The following PPP2R3B variants were observed in gnomAD, a reference collection of about 807,000 sequenced individuals.
PPP2R3B encodes the protein protein phosphatase 2 regulatory subunit B''beta.
PPP2R3B carries 68 observed loss-of-function variants against 72.9 expected under a neutral mutation model. That is an observed-to-expected ratio of 0.93 (90% CI 0.77 to 1.14). The LOEUF is 1.14. Ranked by LOEUF, PPP2R3B falls within the 50% of genes most tolerant of loss-of-function variation. The pLI is 0.00. For synonymous variants in PPP2R3B, 466 were observed against 375.8 expected, an observed-to-expected ratio of 1.24 and a Z score of -2.78; for missense variants, 1,018 against 842.0, an observed-to-expected ratio of 1.21 and a Z score of -2.59.
chrX:367,377 G>A (rs1039931113), intron 1 of PPP2R3B, among the ~76,000 whole-genome samples: 8 of 150,730 alleles, frequency 5.3e-5, no homozygotes, highest in African/African-American at 1.9e-4. Flanking sequence ...TTTGTGAGTT[G>A]GAGGAAAAGA....
At position 344,896 on chromosome X, in the gene PPP2R3B, C is replaced by G. The variant is rs759473392; in HGVS notation, c.1036+620G>C. 5 of 337,220 alleles carry G rather than the reference C, an allele frequency of 1.5e-5. No individual in the cohort carries two copies. The East Asian group carries it at 3.1e-4, about 21-fold the overall frequency. 20.9% of individuals were successfully genotyped at this position (337,220 alleles called of 1,614,324 possible). On this transcript the variant is annotated intron_variant, in intron 7 of 12. Coordinates refer to ENST00000390665, the MANE Select transcript of PPP2R3B (RefSeq NM_013239.5). ...ACACACAACAGATGCCACCGTAATT[C>G]GGAAACAGTCTTGGTCATATGGTTT...
intron 1 of PPP2R3B, among the ~76,000 whole-genome samples, chrX:371,260 G>A (rs28671022): frequency 0.22 from 33,285 of 151,796 alleles, 4,124 homozygotes; most frequent in Non-Finnish European, 0.28. Context: ...ATCGTCACAC[G>A]GGAGCCTCCC....
chrX:346,641 C>CTG, intron 5 of PPP2R3B, 60 bp downstream of exon 5: 1 of 1,499,994 alleles, frequency 6.7e-7, no homozygotes, highest in Non-Finnish European at 9.1e-7. Flanking sequence ...CCCGCGGCGG[C>CTG]CGCTGCAGAA....
At chrX:334,827 G>C (rs1391567930) in intron 12 of PPP2R3B, 1 of 338,396 alleles carries the variant, frequency 3.0e-6, no homozygotes, top group African/African-American at 2.1e-5. Flanking sequence ...CACGGGACCT[G>C]TGTTTACAAC....
At chrX:364,174 C>G (rs1056787734) in intron 1 of PPP2R3B, among the ~76,000 whole-genome samples, 18 of 152,222 alleles carry the variant, frequency 1.2e-4, no homozygotes, top group African/African-American at 4.1e-4. Flanking sequence ...CGGGGAAGCT[C>G]CCAGAACGCG....
chrX:374,395 C>T (rs2071944945), intron 1 of PPP2R3B, among the ~76,000 whole-genome samples: 1 of 152,244 alleles, frequency 6.6e-6, no homozygotes, highest in South Asian at 2.1e-4. Context: ...CCGCCCCTCC[C>T]CAAACTTCAG....
intron 1 of PPP2R3B, among the ~76,000 whole-genome samples, chrX:365,084 A>G (rs1178950445): frequency 5.4e-5 from 4 of 74,312 alleles, no homozygotes; most frequent in Non-Finnish European, 8.4e-5. Context: ...GTGGTGGCGC[A>G]TGCCTGTAAT....
chrX:368,778 C>A (rs1484953111), intron 1 of PPP2R3B, among the ~76,000 whole-genome samples: 3 of 95,440 alleles, frequency 3.1e-5, no homozygotes, highest in African/African-American at 1.4e-4. Flanking sequence ...CCTTGGGCAC[C>A]GACACGGGGA....
At chrX:350,434 A>G (rs1431051563) in intron 2 of PPP2R3B, among the ~76,000 whole-genome samples, 1 of 152,224 alleles carries the variant, frequency 6.6e-6, no homozygotes, top group Non-Finnish European at 1.5e-5. Flanking sequence ...GGTGAACACC[A>G]TGACAGGACA....
chrX:345,760 G>A (rs1270335125), intron 6 of PPP2R3B, 88 bp from the exon 7 acceptor site: 61 of 1,517,364 alleles, frequency 4.0e-5, no homozygotes, highest in Non-Finnish European at 5.4e-5. Context: ...GGGAAGGCTG[G>A]GAGGGTCGGG....
At chrX:368,783 C>G (rs867568324) in intron 1 of PPP2R3B, among the ~76,000 whole-genome samples, 367 of 21,938 alleles carry the variant, frequency 0.017, 1 homozygote, top group Admixed American at 0.025. Flanking sequence ...GGCACCGACA[C>G]GGGGAAGGCC....
rs757768486 is a variant in PPP2R3B, at chrX:334,466, G to T, written c.1629C>A (p.Ser543=). 2.1e-5 allele frequency: 33 copies of T among 1,593,678 alleles called. 1 individual carries two copies. The South Asian group carries it at 3.2e-4, about 16-fold the overall frequency. Residue 543 remains serine (S), a synonymous_variant, in exon 13 of 13, where the codon TCC becomes TCA. Transcript: ENST00000390665. The stretch of plus-strand genomic sequence containing the variant: ...CGAAGAAGGGCCTCTGGGCCAGCGG[G>T]GAGCGCAGCGCACTCAGCTTCTGCT... ...PVEQKLSALR[S]PLAQRPFFEA...
Position 338,858 on chromosome X carries a change from C to A in PPP2R3B, c.1390G>T (p.Ala464Ser). 6.2e-7 allele frequency: 1 copy of A among 1,612,418 alleles called. No homozygotes were observed. ...TLQDLKRCKLANVFFDTFFNI... is the reference protein window; with the variant it reads ...TLQDLKRCKLSNVFFDTFFNI... Reference sequence around the variant, plus strand: ...AAGAAGGTGTCGAAGAAGACGTTAGCCAGCTTGCAGCGCTTCAGGTCCTGC... The same window carrying A: ...AAGAAGGTGTCGAAGAAGACGTTAGACAGCTTGCAGCGCTTCAGGTCCTGC... The change falls in exon 11 of 13, where the codon GCT (alanine) becomes TCT (serine). Residue 464 changes from alanine to serine, a missense_variant. By Grantham distance (99) the Ala-to-Ser change is moderately conservative (BLOSUM62 1). Transcript: ENST00000390665.
intron 2 of PPP2R3B, among the ~76,000 whole-genome samples, chrX:348,342 G>A (rs1430155785): frequency 2.6e-5 from 4 of 152,274 alleles, no homozygotes; most frequent in East Asian, 1.9e-4. Context: ...TTAGGAGGCC[G>A]AGGGGGGTGG....
rs749189552 is a variant in PPP2R3B at position 334,334 on chromosome X, AGCGGCCCCGCGGCG to A, written c.*19_*32del. 2 of 1,451,194 alleles carry A rather than the reference AGCGGCCCCGCGGCG, an allele frequency of 1.4e-6. No individual in the cohort carries two copies. The highest frequency in any genetic ancestry group is 2.6e-5 in the East Asian group (1 of 37,930). 89.9% of individuals were successfully genotyped at this position (1,451,194 alleles called of 1,614,324 possible). Reference sequence around the variant, plus strand: ...GGTGGCCCGGTGGTGGCACGTGGGGAGCGGCCCCGCGGCGGCGTTCTCGCGGGCGGCGTCACAGC... The same window carrying A: ...GGTGGCCCGGTGGTGGCACGTGGGGAGCGTTCTCGCGGGCGGCGTCACAGC... On this transcript the variant is annotated 3_prime_UTR_variant, in exon 13 of 13. Transcript: ENST00000390665.
rs2071313919 is a variant in PPP2R3B at position 350,779 on chromosome X, A to T, written c.511-3086T>A. Among the ~76,000 whole-genome samples, 3 of 152,218 alleles carry T rather than the reference A, an allele frequency of 2.0e-5. No homozygotes were observed. In the South Asian group the frequency reaches 6.2e-4, roughly 31 times the overall value. On this transcript the variant is annotated intron_variant, in intron 2 of 12. Transcript: ENST00000390665. ...CTGGGACGCCACGCAGCTGCCGGGAAAGCGGCCCACGGGGCGGCTGAGCGT... is the reference window on the plus strand; with the variant it reads ...CTGGGACGCCACGCAGCTGCCGGGATAGCGGCCCACGGGGCGGCTGAGCGT...
At chrX:368,299 C>T (rs1256979612) in intron 1 of PPP2R3B, among the ~76,000 whole-genome samples, 4 of 134,028 alleles carry the variant, frequency 3.0e-5, no homozygotes, top group Admixed American at 7.3e-5. Context: ...TGGGCACCGA[C>T]GGGGGGAAGG....
In PPP2R3B at chrX:341,290, C is replaced by G. The variant is rs201658608; in HGVS notation, c.1175+17G>C. ...GCCCCTCCACTGGGACAAACGCATG[C>G]CGCAGCAGGAACCCACCTGGTCGGT... On this transcript the variant is annotated intron_variant, in intron 9 of 12. Coordinates refer to ENST00000390665, the MANE Select transcript of PPP2R3B (RefSeq NM_013239.5). 4 of 1,612,088 alleles carry G rather than the reference C, an allele frequency of 2.5e-6. No homozygotes were observed. The highest frequency in any genetic ancestry group is 3.4e-6 in the Non-Finnish European group (4 of 1,179,466).
intron 2 of PPP2R3B, among the ~76,000 whole-genome samples, chrX:348,338 G>A (rs375824568): frequency 5.3e-5 from 8 of 152,262 alleles, no homozygotes; most frequent in African/African-American, 1.9e-4. Flanking sequence ...CACTTTAGGA[G>A]GCCGAGGGGG....
Sources: allele counts gnomAD v4.1 joint callset (sites outside exome capture counted in the v4.1 genomes callset), GRCh38; gene constraint gnomAD v4.1.1; transcripts MANE v1.5; gene names NCBI Gene and HGNC (gene_info 2026-07-23, HGNC 2026-07-21).